The following AGBL1 variants were observed in gnomAD, a reference collection of about 807,000 sequenced individuals.
AGBL1 encodes the protein cytosolic carboxypeptidase 4.
A neutral mutation model predicts 118.9 loss-of-function variants in AGBL1; 130 were observed. The observed-to-expected ratio is 1.09, with a 90% CI of 0.95 to 1.26. AGBL1 has a LOEUF of 1.26. Among genes scored for constraint, AGBL1 ranks in the 50% most tolerant of loss-of-function variants. AGBL1 has a pLI of 0.00. For missense variants in AGBL1, 1,584 were observed against 1,298.1 expected, an observed-to-expected ratio of 1.22 and a Z score of -3.38; for synonymous variants, 555 against 478.9, an observed-to-expected ratio of 1.16 and a Z score of -2.08.
In AGBL1 at chr15:86,418,033, A is replaced by G. The variant is rs537740386; in HGVS notation, c.2555+20487A>G. Among the ~76,000 whole-genome samples, 3 of 152,270 alleles carry G rather than the reference A, an allele frequency of 2.0e-5. No individual in the cohort carries two copies. In the East Asian group the frequency reaches 5.8e-4, roughly 29 times the overall value. ...CTAGATGGATCAAGTCTTGAATCAC[A>G]CTTATCCCAGTTTCATCCAATTAGA... is the stretch of plus-strand genomic sequence containing the variant. On this transcript the variant is annotated intron_variant, in intron 18 of 22. Coordinates refer to ENST00000614907, the MANE Select transcript of AGBL1 (RefSeq NM_001386094.1).
At chr15:86,602,633 T>G (rs1216391901) in intron 21 of AGBL1, among the ~76,000 whole-genome samples, 2 of 152,164 alleles carry the variant, frequency 1.3e-5, no homozygotes, top group Non-Finnish European at 2.9e-5. Flanking sequence ...ATGATCTAGT[T>G]AACAATAGGA....
At chr15:86,607,194 G>T (rs2437800) in intron 21 of AGBL1, among the ~76,000 whole-genome samples, 142,279 of 152,270 alleles carry the variant, frequency 0.93, 66,502 homozygotes, top group East Asian at 1. Context: ...GTACCACAGT[G>T]TATGTATCCA....
At chr15:86,087,394 T>A (rs1278286419) in intron 1 of AGBL1, among the ~76,000 whole-genome samples, 2 of 151,582 alleles carry the variant, frequency 1.3e-5, no homozygotes, top group African/African-American at 4.9e-5. Context: ...AGTGGCACGA[T>A]CTCGGCTCAC....
At chr15:86,139,591 T>C (rs1037839406) in intron 1 of AGBL1, among the ~76,000 whole-genome samples, 1 of 152,022 alleles carries the variant, frequency 6.6e-6, no homozygotes, top group African/African-American at 2.4e-5. Flanking sequence ...GAAACTCGTC[T>C]CTTCTGAAAA....
intron 17 of AGBL1, among the ~76,000 whole-genome samples, chr15:86,395,272 AT>A (rs1282048262): frequency 6.6e-6 from 1 of 151,908 alleles, no homozygotes; most frequent in Non-Finnish European, 1.5e-5. Flanking sequence ...ACTTGTCTTC[AT>A]TTTTTAATTC....
chr15:87,028,479 T>A (rs1305659316), intron 24 of AGBL1, among the ~76,000 whole-genome samples: 1 of 151,966 alleles, frequency 6.6e-6, no homozygotes, highest in Non-Finnish European at 1.5e-5. Context: ...GTGATGATAA[T>A]ATCAATAATA....
chr15:86,827,958 T>TTTTTTTTTTTTTTTTTTTTTTTA (rs2079054035), intron 22 of AGBL1, among the ~76,000 whole-genome samples: 1 of 133,934 alleles, frequency 7.5e-6, no homozygotes, highest in Non-Finnish European at 1.6e-5. Flanking sequence ...TTTTTTTTTT[T>TTTTTTTTTTTTTTTTTTTTTTTA]GAGACAGTAT....
intron 1 of AGBL1, among the ~76,000 whole-genome samples, chr15:86,087,737 A>ATC (rs1200324546): frequency 3.9e-5 from 6 of 152,224 alleles, no homozygotes; most frequent in Admixed American, 3.9e-4. Flanking sequence ...TCACAGAGTG[A>ATC]ACAAGTGGCA....
intron 21 of AGBL1, among the ~76,000 whole-genome samples, chr15:86,609,065 A>G (rs2142386873): frequency 2.6e-5 from 4 of 152,272 alleles, no homozygotes; most frequent in South Asian, 4.1e-4. Flanking sequence ...ATATTTAGCT[A>G]AACTGTGCGG....
intron 23 of AGBL1, among the ~76,000 whole-genome samples, chr15:86,975,182 T>A (rs2081161789): frequency 6.6e-6 from 1 of 151,910 alleles, no homozygotes. Context: ...AAGCTGCTAA[T>A]AATGACATAC....
chr15:86,281,984 A>G (rs2093572372), intron 16 of AGBL1, among the ~76,000 whole-genome samples: 1 of 152,052 alleles, frequency 6.6e-6, no homozygotes, highest in African/African-American at 2.4e-5. Flanking sequence ...TCTAATTCTT[A>G]CCCCAAGATG....
At chr15:86,800,468 C>A (rs1171945385) in intron 22 of AGBL1, among the ~76,000 whole-genome samples, 5 of 151,996 alleles carry the variant, frequency 3.3e-5, no homozygotes, top group African/African-American at 4.8e-5. Context: ...CAGAAGGAAT[C>A]CAGAAATATG....
At chr15:86,389,787 G>A (rs1367873460) in intron 17 of AGBL1, among the ~76,000 whole-genome samples, 1 of 151,868 alleles carries the variant, frequency 6.6e-6, no homozygotes, top group Non-Finnish European at 1.5e-5. Flanking sequence ...TATAACTTAA[G>A]CTAATAGAGG....
chr15:86,845,991 T>C (rs1328577642), intron 22 of AGBL1, among the ~76,000 whole-genome samples: 2 of 152,194 alleles, frequency 1.3e-5, no homozygotes, highest in African/African-American at 2.4e-5. Context: ...CTTCGACACA[T>C]GCCTGAGACT....
chr15:86,673,971 G>T (rs542188524), intron 21 of AGBL1, among the ~76,000 whole-genome samples: 1 of 152,180 alleles, frequency 6.6e-6, no homozygotes, highest in East Asian at 1.9e-4. Flanking sequence ...CTTTGACCAT[G>T]GTGTGGGAAG....
At chr15:86,896,766 T>C (rs2080134568) in intron 22 of AGBL1, among the ~76,000 whole-genome samples, 1 of 152,216 alleles carries the variant, frequency 6.6e-6, no homozygotes, top group African/African-American at 2.4e-5. Flanking sequence ...ACAAGATTGA[T>C]AGCATTTATA....
At position 86,247,982 on chromosome 15, in the gene AGBL1, C is replaced by G. The variant is rs894146233; in HGVS notation, c.735+103C>G. On this transcript the variant is annotated intron_variant, in intron 7 of 22. Coordinates refer to ENST00000614907, the MANE Select transcript of AGBL1 (RefSeq NM_001386094.1). ...CAGATAGAGCTGGGAACGCCTCAGTCTATTTCTTGTTGCCTGCTAAGGGCG... is the reference window on the plus strand; with the variant it reads ...CAGATAGAGCTGGGAACGCCTCAGTGTATTTCTTGTTGCCTGCTAAGGGCG... The G allele has an allele frequency of 3.5e-6, 5 of 1,417,240 alleles. No individual in the cohort carries two copies. The African/African-American group carries it at 5.6e-5, about 16-fold the overall frequency. The allele number at this position is 1,417,240 out of a possible 1,614,324, so 87.8% of individuals were successfully genotyped here.
At chr15:86,554,585 A>G in intron 21 of AGBL1, 48 bp downstream of exon 21, 9 of 1,396,498 alleles carry the variant, frequency 6.4e-6, no homozygotes, top group Non-Finnish European at 7.5e-6. Flanking sequence ...GCAACAATAC[A>G]TAGAAATTAT....
At chr15:86,097,033 C>T (rs150295536) in intron 1 of AGBL1, among the ~76,000 whole-genome samples, 1 of 152,148 alleles carries the variant, frequency 6.6e-6, no homozygotes, top group Non-Finnish European at 1.5e-5. Context: ...CTGAGACGCT[C>T]AAACCTGCAG....
Sources: allele counts gnomAD v4.1 joint callset (sites outside exome capture counted in the v4.1 genomes callset), GRCh38; gene constraint gnomAD v4.1.1; transcripts MANE v1.5; gene names NCBI Gene and HGNC (gene_info 2026-07-23, HGNC 2026-07-21).